The following CDKAL1 variants were observed in gnomAD, a reference collection of about 807,000 sequenced individuals.
CDKAL1 encodes threonylcarbamoyladenosine tRNA methylthiotransferase.
CDKAL1 carries 32 observed loss-of-function variants against 68.2 expected under a neutral mutation model. That is an observed-to-expected ratio of 0.47 (90% CI 0.35 to 0.63). The LOEUF (loss-of-function observed/expected upper bound fraction) is 0.63, where lower values mean the gene tolerates loss of function less well. CDKAL1 is among the 30% of genes least tolerant of loss of function. CDKAL1 has a pLI of 0.00. For missense variants in CDKAL1, 606 were observed against 696.7 expected, an observed-to-expected ratio of 0.87 and a Z score of 1.47; for synonymous variants, 234 against 244.3, an observed-to-expected ratio of 0.96 and a Z score of 0.39.
intron 5 of CDKAL1, among the ~76,000 whole-genome samples, chr6:20,727,398 CAGTT>C (rs1772704874): frequency 1.3e-5 from 2 of 152,032 alleles, no homozygotes; most frequent in African/African-American, 2.4e-5. Context: ...CTTAAGGACA[CAGTT>C]AGAATTTGGG....
intron 8 of CDKAL1, among the ~76,000 whole-genome samples, chr6:20,836,820 T>C (rs965066338): frequency 1.4e-4 from 21 of 152,042 alleles, no homozygotes; most frequent in Non-Finnish European, 2.1e-4. Context: ...AGAGGTGTAA[T>C]GTGTATGTAG....
At chr6:21,059,898 A>G (rs1771052255) in intron 11 of CDKAL1, among the ~76,000 whole-genome samples, 1 of 151,728 alleles carries the variant, frequency 6.6e-6, no homozygotes, top group East Asian at 1.9e-4. Context: ...TGGTTTTTTT[A>G]TCCCTCGCTC....
chr6:20,581,834 A>C (rs1355695228), intron 4 of CDKAL1, among the ~76,000 whole-genome samples: 4 of 152,158 alleles, frequency 2.6e-5, no homozygotes, highest in Admixed American at 1.3e-4. Context: ...CCTTAACCCC[A>C]AGTTTTTGCT....
intron 5 of CDKAL1, among the ~76,000 whole-genome samples, chr6:20,690,815 C>G (rs1390179653): frequency 2.6e-5 from 4 of 152,116 alleles, no homozygotes; most frequent in African/African-American, 7.2e-5. Flanking sequence ...ATATAACTTT[C>G]AGATCTTGAG....
At chr6:21,113,695 C>CTGACCTCAGG (rs1274412385) in intron 13 of CDKAL1, among the ~76,000 whole-genome samples, 2 of 151,452 alleles carry the variant, frequency 1.3e-5, no homozygotes, top group African/African-American at 4.8e-5. Flanking sequence ...TCTCGAACTC[C>CTGACCTCAGG]TGACCTCAGG....
chr6:20,556,329 C>T (rs575844747), intron 4 of CDKAL1, among the ~76,000 whole-genome samples: 24 of 151,998 alleles, frequency 1.6e-4, no homozygotes, highest in Non-Finnish European at 4.4e-5. Flanking sequence ...TGTGGCACTG[C>T]ACTCCAGCTT....
intron 12 of CDKAL1, among the ~76,000 whole-genome samples, chr6:21,101,947 G>A (rs571765713): frequency 2.0e-5 from 3 of 152,190 alleles, no homozygotes; most frequent in East Asian, 3.9e-4. Context: ...AATTTAAGGT[G>A]TTATTTTTTT....
At chr6:21,074,041 C>G (rs977400844) in intron 12 of CDKAL1, among the ~76,000 whole-genome samples, 2 of 152,204 alleles carry the variant, frequency 1.3e-5, no homozygotes, top group Admixed American at 1.3e-4. Context: ...TCATGCAGCT[C>G]TTTATTAAAC....
chr6:20,558,253 G>A (rs1158423106), intron 4 of CDKAL1, among the ~76,000 whole-genome samples: 1 of 152,136 alleles, frequency 6.6e-6, no homozygotes, highest in Non-Finnish European at 1.5e-5. Flanking sequence ...TTGGATCACC[G>A]AGCTGTATTC....
intron 4 of CDKAL1, among the ~76,000 whole-genome samples, chr6:20,551,453 C>T (rs1015788359): frequency 5.9e-5 from 9 of 151,740 alleles, no homozygotes; most frequent in Non-Finnish European, 8.8e-5. Flanking sequence ...CTGCAAGCTC[C>T]GCCTCCTGGG....
intron 5 of CDKAL1, among the ~76,000 whole-genome samples, chr6:20,659,727 C>T (rs1307029052): frequency 6.6e-6 from 1 of 152,122 alleles, no homozygotes; most frequent in Non-Finnish European, 1.5e-5. Flanking sequence ...TGACCATGGA[C>T]ACCTCAAATC....
At chr6:21,063,411 C>G (rs1445307288) in intron 11 of CDKAL1, among the ~76,000 whole-genome samples, 1 of 152,166 alleles carries the variant, frequency 6.6e-6, no homozygotes, top group Non-Finnish European at 1.5e-5. Flanking sequence ...AAATGACTTC[C>G]AAGATGCCAA....
intron 4 of CDKAL1, among the ~76,000 whole-genome samples, chr6:20,565,430 A>G (rs1317621071): frequency 6.6e-6 from 1 of 152,094 alleles, no homozygotes; most frequent in Non-Finnish European, 1.5e-5. Context: ...TTTCCGTTAA[A>G]AACCCATCCT....
intron 4 of CDKAL1, among the ~76,000 whole-genome samples, chr6:20,617,916 C>A (rs1292164074): frequency 6.6e-6 from 1 of 152,160 alleles, no homozygotes; most frequent in Non-Finnish European, 1.5e-5. Flanking sequence ...GATTTATAAT[C>A]CTCTGAGTAT....
At chr6:20,620,507 G>A (rs184036494) in intron 4 of CDKAL1, among the ~76,000 whole-genome samples, 2 of 152,274 alleles carry the variant, frequency 1.3e-5, no homozygotes, top group East Asian at 3.9e-4. Context: ...AAGCTCCAGA[G>A]GTTAAGTATC....
intron 5 of CDKAL1, among the ~76,000 whole-genome samples, chr6:20,735,901 A>G (rs755727634): frequency 1.3e-5 from 2 of 152,150 alleles, no homozygotes; most frequent in Non-Finnish European, 2.9e-5. Flanking sequence ...CCTCTATAAA[A>G]CTGTAATGTT....
chr6:21,070,385 CTTTT>C (rs1253729616), intron 12 of CDKAL1, among the ~76,000 whole-genome samples: 1 of 113,804 alleles, frequency 8.8e-6, no homozygotes, highest in African/African-American at 3.5e-5. Flanking sequence ...GGGCTTTTTT[CTTTT>C]TGTTTCTCTC....
At chr6:20,575,983 A>G (rs900211592) in intron 4 of CDKAL1, among the ~76,000 whole-genome samples, 8 of 152,202 alleles carry the variant, frequency 5.3e-5, no homozygotes, top group African/African-American at 1.9e-4. Context: ...GCATAACTAT[A>G]CGATCACAAG....
At position 21,048,191 on chromosome 6, in the gene CDKAL1, G is replaced by T. The variant is rs1275240723; in HGVS notation, c.1056-16857G>T. On this transcript the variant is annotated intron_variant, in intron 11 of 15. Coordinates refer to ENST00000274695, the MANE Select transcript of CDKAL1 (RefSeq NM_017774.3). The stretch of plus-strand genomic sequence containing the variant: ...CACAACTACATTCAACTCTGCTTTT[G>T]TAGTGAAAGCAGCCATAAACAGTAT... Among the ~76,000 whole-genome samples the T allele has an allele frequency of 3.3e-5, 5 of 152,264 alleles. No homozygotes were observed. The South Asian group carries it at 1.0e-3, about 32-fold the overall frequency.
Sources: gnomAD v4.1 joint callset for allele counts (sites outside exome capture counted in the v4.1 genomes callset) on GRCh38, gnomAD v4.1.1 for gene constraint, MANE v1.5 for transcripts, NCBI Gene and HGNC (gene_info 2026-07-23, HGNC 2026-07-21) for gene names.